Variants in CUBN observed in about 807,000 individuals in gnomAD.
CUBN encodes the protein cubilin.
CUBN carries 282 observed loss-of-function variants against 405.3 expected under a neutral mutation model. The ratio of observed to expected loss-of-function variants is 0.70; its 90% confidence interval spans 0.63 to 0.77. CUBN has a LOEUF of 0.77. Ranked by LOEUF, CUBN falls within the 30% of genes least tolerant of loss-of-function variation. The probability of loss-of-function intolerance (pLI) is 0.00; values close to 1 mark genes in which losing one functional copy is unlikely to be tolerated. For missense variants in CUBN, 4,514 were observed against 4,475.2 expected, an observed-to-expected ratio of 1.01 and a Z score of -0.25; for synonymous variants, 1,684 against 1,617.0, an observed-to-expected ratio of 1.04 and a Z score of -0.99.
At chr10:16,868,088 T>A (rs960079991) in intron 59 of CUBN, among the ~76,000 whole-genome samples, 4 of 152,228 alleles carry the variant, frequency 2.6e-5, no homozygotes, top group Non-Finnish European at 4.4e-5. Flanking sequence ...TCTTTCAAAA[T>A]AGCCTTCTGG....
Position 16,954,382 on chromosome 10 carries a change from T to C in CUBN, c.4855+7A>G, listed in dbSNP as rs748504104. The C allele has an allele frequency of 6.2e-7, 1 of 1,614,076 alleles. No homozygotes were observed. Among genetic ancestry groups the C allele is most frequent in the South Asian group, 1.1e-5 (1 of 91,070 alleles). On this transcript the variant is annotated splice_region_variant and intron_variant, in intron 32 of 66. Transcript: ENST00000377833. ...CTTGTGCCTGGGAAGATCCACAGGG[T>C]ACTTGCCTTGCCTGAATTGAGCTCG...
intron 14 of CUBN, among the ~76,000 whole-genome samples, chr10:17,099,662 A>T (rs1334914881): frequency 3.3e-5 from 5 of 152,138 alleles, no homozygotes; most frequent in Admixed American, 6.5e-5. Flanking sequence ...CAGCCTGGGC[A>T]ACATAGAGAA....
intron 27 of CUBN, among the ~76,000 whole-genome samples, chr10:17,038,564 T>C (rs1244403922): frequency 5.9e-5 from 9 of 152,238 alleles, no homozygotes; most frequent in Non-Finnish European, 1.3e-4. Context: ...GTAGTTTCCA[T>C]TTTATTAATT....
At chr10:16,844,056 G>A (rs973412888) in intron 60 of CUBN, among the ~76,000 whole-genome samples, 3 of 151,962 alleles carry the variant, frequency 2.0e-5, no homozygotes, top group Admixed American at 2.0e-4. Flanking sequence ...GATCGCCTGA[G>A]GTCAGGAGTT....
intron 29 of CUBN, among the ~76,000 whole-genome samples, chr10:16,988,393 T>G (rs1314372167): frequency 6.6e-6 from 1 of 152,202 alleles, no homozygotes; most frequent in African/African-American, 2.4e-5. Context: ...GGCACCTTGT[T>G]TCTCCTCTGA....
chr10:16,925,584 C>A lies in CUBN; in HGVS notation c.6462G>T (p.Val2154=), dbSNP rs1283631435. The change falls in exon 42 of 67, where the codon GTG becomes GTT. Residue 2154 remains valine (V), a splice_region_variant and synonymous_variant. Transcript: ENST00000377833. ...DSSCNQGDYL[V]LRNGPDICSP... is the part of the protein sequence containing the mutation. ...TAGAAAGGGTAGCAGCAAGACCTAC[C>A]ACCAAGTAATCCCCCTGGTTGCAAG... 2.5e-6 allele frequency: 4 copies of A among 1,613,802 alleles called. No homozygotes were observed. The highest frequency in any genetic ancestry group is 3.4e-6 in the Non-Finnish European group (4 of 1,179,900).
chr10:17,046,826 C>T (rs1303467742), intron 23 of CUBN, among the ~76,000 whole-genome samples: 4 of 152,020 alleles, frequency 2.6e-5, no homozygotes, highest in African/African-American at 9.7e-5. Flanking sequence ...AATGATTAGC[C>T]TAATTTAACT....
chr10:16,830,249 C>G (rs1838942928), intron 65 of CUBN, among the ~76,000 whole-genome samples: 1 of 152,102 alleles, frequency 6.6e-6, no homozygotes. Flanking sequence ...GTTTTATTTG[C>G]TCGTTGATAA....
intron 31 of CUBN, among the ~76,000 whole-genome samples, chr10:16,959,361 G>A (rs117207985): frequency 1.3e-5 from 2 of 152,242 alleles, no homozygotes; most frequent in Non-Finnish European, 2.9e-5. Context: ...TTCGTGTGGT[G>A]GTTCACGCCT....
At chr10:16,872,144 G>T (rs892481609) in intron 58 of CUBN, among the ~76,000 whole-genome samples, 1 of 152,094 alleles carries the variant, frequency 6.6e-6, no homozygotes, top group Non-Finnish European at 1.5e-5. Flanking sequence ...GGAGGCTAAG[G>T]TGGGAGAATC....
intron 66 of CUBN, among the ~76,000 whole-genome samples, chr10:16,828,251 T>G (rs1307781023): frequency 2.0e-5 from 3 of 152,152 alleles, no homozygotes; most frequent in African/African-American, 7.2e-5. Context: ...AAGTCTAATG[T>G]AAGTAACTCC....
At chr10:16,908,898 C>T (rs1412366842) in intron 48 of CUBN, among the ~76,000 whole-genome samples, 7 of 114,056 alleles carry the variant, frequency 6.1e-5, no homozygotes, top group South Asian at 2.9e-4. Flanking sequence ...TTTTTTGAGA[C>T]GGAGTCTCGC....
At chr10:16,902,856 A>G (rs2131427028) in intron 51 of CUBN, among the ~76,000 whole-genome samples, 1 of 152,184 alleles carries the variant, frequency 6.6e-6, no homozygotes, top group South Asian at 2.1e-4. Context: ...GTAGGAGGAG[A>G]AGATAGGGCT....
chr10:16,881,763 A>G (rs1428591456), intron 56 of CUBN, among the ~76,000 whole-genome samples: 2 of 152,242 alleles, frequency 1.3e-5, no homozygotes, highest in Non-Finnish European at 2.9e-5. Context: ...AGAAGCTGGT[A>G]AAATTAGCTA....
chr10:17,123,245 TAAAC>T (rs756020218), intron 5 of CUBN, among the ~76,000 whole-genome samples: 7 of 152,132 alleles, frequency 4.6e-5, no homozygotes, highest in Middle Eastern at 3.4e-3. Context: ...TCAGAAAAAA[TAAAC>T]AAACAAAGAA....
intron 64 of CUBN, among the ~76,000 whole-genome samples, chr10:16,831,792 T>C (rs1349751696): frequency 6.6e-6 from 1 of 152,180 alleles, no homozygotes; most frequent in Non-Finnish European, 1.5e-5. Flanking sequence ...GGGGGCAATG[T>C]TGCCTGCTCT....
chr10:16,952,464 G>C, intron 32 of CUBN, 75 bp from the exon 33 acceptor site: 1 of 932,932 alleles, frequency 1.1e-6, no homozygotes, highest in Non-Finnish European at 1.8e-6. Context: ...ATTATTTGAT[G>C]AATAAAACCA....
At position 16,982,386 on chromosome 10, in the gene CUBN, A is replaced by C. The variant is rs1256657674; in HGVS notation, c.4695+98T>G. On this transcript the variant is annotated intron_variant, in intron 31 of 66. Transcript: ENST00000377833. ...TTTGGTTTCCTATGAATCGACATTA[A>C]AAACACCCATAAGTAATACATTCAC... The C allele has an allele frequency of 1.2e-5, 13 of 1,111,200 alleles. No individual in the cohort carries two copies. The East Asian group carries it at 3.2e-4, about 27-fold the overall frequency. The allele number at this position is 1,111,200 out of a possible 1,614,324, so 68.8% of individuals were successfully genotyped here.
In CUBN at chr10:17,071,435, A is replaced by G. The variant is rs1835736926; in HGVS notation, c.2616T>C (p.Asp872=). 6.2e-7 allele frequency: 1 copy of G among 1,613,818 alleles called. No individual in the cohort carries two copies. Among genetic ancestry groups the G allele is most frequent in the Non-Finnish European group, 8.5e-7 (1 of 1,179,864 alleles). ...ATTTTTTCCCTCTTACCTCAACATA[A>G]TCTGTTTCACAGTGGGCAGAACTTC... ...EIGSSAHCET[D]YVEIGSSSIL... Residue 872 remains aspartate (D), a synonymous_variant, in exon 19 of 67, where the codon GAT becomes GAC. Coordinates refer to ENST00000377833, the MANE Select transcript of CUBN (RefSeq NM_001081.4).
Sources: allele counts gnomAD v4.1 joint callset (sites outside exome capture counted in the v4.1 genomes callset), GRCh38; gene constraint gnomAD v4.1.1; transcripts MANE v1.5; gene names NCBI Gene and HGNC (gene_info 2026-07-23, HGNC 2026-07-21).